The following AIFM2 variants were observed in gnomAD, a reference collection of about 807,000 sequenced individuals.
AIFM2 encodes the protein ferroptosis suppressor protein 1.
In AIFM2, 38 loss-of-function variants were observed where a neutral mutation model predicts 35.7. That is an observed-to-expected ratio of 1.06 (90% CI 0.82 to 1.39). The LOEUF is 1.39. Among genes scored for constraint, AIFM2 ranks in the 40% most tolerant of loss-of-function variants. AIFM2 has a pLI of 0.00. For synonymous variants in AIFM2, 185 were observed against 203.5 expected (o/e 0.91, Z 0.77); for missense variants, 476 against 491.2 (o/e 0.97, Z 0.29).
At position 70,120,526 on chromosome 10, in the gene AIFM2, G is replaced by C. The variant is rs769913973; in HGVS notation, c.488C>G (p.Thr163Arg). 2.0e-5 allele frequency: 33 copies of C among 1,614,052 alleles called. No individual in the cohort carries two copies. The highest frequency in any genetic ancestry group is 2.0e-5 in the Non-Finnish European group (24 of 1,180,040). ...AGVEMAAEIK[T>R]EYPEKEVTLI... ...GCTCACCTCTTTCTCAGGATATTCT[G>C]TTTTAATCTCTGCTGCCATCTCCAC... is the stretch of plus-strand genomic sequence containing the variant. The change falls in exon 5 of 9, where the codon ACA becomes AGA. Residue 163 changes from threonine to arginine, a missense_variant. Transcript: ENST00000307864.
chr10:70,130,194 T>C (rs939335828), intron 1 of AIFM2, among the ~76,000 whole-genome samples: 2 of 152,136 alleles, frequency 1.3e-5, no homozygotes, highest in Non-Finnish European at 2.9e-5. Flanking sequence ...AAAAAAAATT[T>C]TTTTTAATTT....
rs771338974 is a variant in AIFM2, at chr10:70,117,835, C to T, written c.593G>A (p.Arg198Gln). The T allele has an allele frequency of 1.1e-5, 18 of 1,604,880 alleles. No homozygotes were observed. The highest frequency in any genetic ancestry group is 4.6e-5 in the East Asian group (2 of 43,870). Reference sequence around the variant, plus strand: ...ACTCAGCAGCAGCTGCACGCCCTTCCGGAGGAGGATCTCCTTCACTTCCTG... The same window carrying T: ...ACTCAGCAGCAGCTGCACGCCCTTCTGGAGGAGGATCTCCTTCACTTCCTG... ...VRQEVKEILL[R>Q]KGVQLLLSER... is the part of the protein sequence containing the mutation. Residue 198 changes from arginine to glutamine, a missense_variant, in exon 6 of 9, where the codon CGG (arginine) becomes CAG (glutamine). Arg to Gln is a conservative substitution (Grantham distance 43). Transcript: ENST00000307864. This position sits in a 1 kb window ranked among gnomAD's most constrained non-coding sequence, Gnocchi z 4.7.
Position 70,114,904 on chromosome 10 carries a change from A to G in AIFM2, c.970+16T>C, listed in dbSNP as rs2072417974. On this transcript the variant is annotated intron_variant, in intron 8 of 8. Transcript: ENST00000307864. ...AAACTCTATTAAAACTGCAAAGCAC[A>G]TGGGGCCTCTCTTACCCGGCTTGTA... The G allele has an allele frequency of 6.2e-7, 1 of 1,613,242 alleles. No individual in the cohort carries two copies. Among genetic ancestry groups the G allele is most frequent in the South Asian group, 1.1e-5 (1 of 90,906 alleles).
Position 70,132,241 on chromosome 10 carries a change from C to G in AIFM2, c.-14+493G>C, listed in dbSNP as rs148402317. Among the ~76,000 whole-genome samples the G allele has an allele frequency of 3.9e-3, 596 of 152,334 alleles. 2 individuals carry two copies. Among genetic ancestry groups the G allele is most frequent in the African/African-American group, 0.014 (562 of 41,574 alleles). ...AAGCAGACTTCCTAGTGCTGCACCC[C>G]CCAGCTCCCCCGAGCCTATGGGCAC... On this transcript the variant is annotated intron_variant, in intron 1 of 8. Transcript: ENST00000307864.
chr10:70,117,813 C>T lies in AIFM2; in HGVS notation c.615G>A (p.Leu205=). 6.2e-7 allele frequency: 1 copy of T among 1,604,756 alleles called. No individual in the cohort carries two copies. Among genetic ancestry groups the T allele is most frequent in the Non-Finnish European group, 8.5e-7 (1 of 1,176,274 alleles). ...ILLRKGVQLL[L]SERVSNLEEL... is the part of the protein sequence containing the mutation. ...GGAGGGAGGTGAGGGTGCACGTACT[C>T]AGCAGCAGCTGCACGCCCTTCCGGA... Residue 205 remains leucine, a splice_region_variant and synonymous_variant, in exon 6 of 9, where the codon CTG becomes CTA. Coordinates refer to ENST00000307864, the MANE Select transcript of AIFM2 (RefSeq NM_032797.6). This position sits in a 1 kb window ranked among gnomAD's most constrained non-coding sequence, Gnocchi z 4.7.
intron 1 of AIFM2, among the ~76,000 whole-genome samples, chr10:70,130,434 C>T (rs559828668): frequency 2.4e-4 from 36 of 152,258 alleles, no homozygotes; most frequent in African/African-American, 7.9e-4. Flanking sequence ...TTGTTTGCGA[C>T]GTCTTCCACT....
chr10:70,117,256 T>G lies in AIFM2; in HGVS notation c.617-482A>C, dbSNP rs2072448748. Among the ~76,000 whole-genome samples, 1 of 152,118 alleles carries G rather than the reference T, an allele frequency of 6.6e-6. No homozygotes were observed. The highest frequency in any genetic ancestry group is 1.5e-5 in the Non-Finnish European group (1 of 68,014). ...GAGGCTGAGGCAGCCATGCGGGCCC[T>G]TCACAGGACAGGTGCCTCACCCTCC... On this transcript the variant is annotated intron_variant, in intron 6 of 8. Transcript: ENST00000307864. This position sits in a 1 kb window ranked among gnomAD's most constrained non-coding sequence, Gnocchi z 4.7.
At chr10:70,118,135 ACACCCAG>A in intron 5 of AIFM2, 1 of 497,074 alleles carries the variant, frequency 2.0e-6, no homozygotes, top group Non-Finnish European at 3.5e-6. Context: ...CCCTCCTGCC[ACACCCAG>A]GCCAGAGGAC....
At chr10:70,125,728 C>T (rs2072558917) in intron 1 of AIFM2, among the ~76,000 whole-genome samples, 1 of 152,136 alleles carries the variant, frequency 6.6e-6, no homozygotes, top group Non-Finnish European at 1.5e-5. Flanking sequence ...ACCTCAACCT[C>T]CCAAAGTGCT....
chr10:70,118,868 TC>T (rs1355192732), intron 5 of AIFM2, among the ~76,000 whole-genome samples: 2 of 152,154 alleles, frequency 1.3e-5, no homozygotes, highest in African/African-American at 4.8e-5. Context: ...CCTTGGATGT[TC>T]CCGGGTGATG....
chr10:70,121,667 G>C (rs1025589148), intron 3 of AIFM2, among the ~76,000 whole-genome samples: 1 of 149,564 alleles, frequency 6.7e-6, no homozygotes, highest in African/African-American at 2.5e-5. Flanking sequence ...TCTGTGAACA[G>C]CCACTGCACT....
At position 70,117,949 on chromosome 10, in the gene AIFM2, G is replaced by A. The variant is rs1472469612; in HGVS notation, c.508-29C>T. 7 of 1,533,626 alleles carry A rather than the reference G, an allele frequency of 4.6e-6. No individual in the cohort carries two copies. The highest frequency in any genetic ancestry group is 6.3e-6 in the Non-Finnish European group (7 of 1,112,092). ...AGGACAAAACGACCACAGGGCCTGA[G>A]AAGGAGCCCCCAAGTCTTCAAACAC... is the stretch of plus-strand genomic sequence containing the variant. On this transcript the variant is annotated intron_variant, in intron 5 of 8. Coordinates refer to ENST00000307864, the MANE Select transcript of AIFM2 (RefSeq NM_032797.6). This position sits in a 1 kb window ranked among gnomAD's most constrained non-coding sequence, Gnocchi z 4.7.
intron 1 of AIFM2, among the ~76,000 whole-genome samples, chr10:70,126,355 G>C (rs1159074660): frequency 6.6e-6 from 1 of 152,220 alleles, no homozygotes; most frequent in African/African-American, 2.4e-5. Context: ...GCTTCAGGAA[G>C]GGGGACTGGA....
intron 1 of AIFM2, among the ~76,000 whole-genome samples, chr10:70,127,691 C>T (rs977594115): frequency 1.3e-5 from 2 of 152,174 alleles, no homozygotes; most frequent in African/African-American, 4.8e-5. Context: ...AGCCCTTGAC[C>T]CCCAGGCCCC....
chr10:70,121,725 T>C (rs916870660), intron 3 of AIFM2, among the ~76,000 whole-genome samples: 2 of 150,960 alleles, frequency 1.3e-5, no homozygotes, highest in African/African-American at 4.8e-5. Flanking sequence ...AAATTAAAAA[T>C]AAATAATAAA....
chr10:70,116,600 G>T (rs2072438540), intron 7 of AIFM2, 22 bp downstream of exon 7: 1 of 1,612,402 alleles, frequency 6.2e-7, no homozygotes. Flanking sequence ...CACAGGGGAA[G>T]CCCGGCTGGG....
chr10:70,123,852 C>A, intron 2 of AIFM2, 55 bp downstream of exon 2: 1 of 1,479,760 alleles, frequency 6.8e-7, no homozygotes, highest in African/African-American at 1.4e-5. Flanking sequence ...AATCAAGCCC[C>A]AGAGCAGAGA....
chr10:70,122,284 G>C (rs2072518280), intron 3 of AIFM2, among the ~76,000 whole-genome samples: 1 of 152,232 alleles, frequency 6.6e-6, no homozygotes, highest in South Asian at 2.1e-4. Context: ...ATCTTCCAGG[G>C]CTCTGAAACG....
At position 70,121,216 on chromosome 10, in the gene AIFM2, GAGAAACCAAAAAA is replaced by G; in HGVS notation, c.295-18_295-6del. 2.9e-6 allele frequency: 1 copy of G among 340,114 alleles called. No homozygotes were observed. Among genetic ancestry groups the G allele is most frequent in the African/African-American group, 3.1e-5 (1 of 32,098 alleles). The allele number at this position is 340,114 out of a possible 1,614,324, so 21.1% of individuals were successfully genotyped here. A position where few individuals can be genotyped will look rare whatever the true frequency, so the allele number is the denominator to read the frequency against. On this transcript the variant is annotated splice_region_variant and splice_polypyrimidine_tract_variant and intron_variant, in intron 3 of 8. Transcript: ENST00000307864. Reference sequence around the variant, plus strand: ...AAGATGAGAGAAGGGCAGGGCCTGAGAGAAACCAAAAAAAAAAAAAAAAAAAAAAAAAAAAAGA... The same window carrying G: ...AAGATGAGAGAAGGGCAGGGCCTGAGAAAAAAAAAAAAAAAAAAAAAAAGA...
Sources: allele counts gnomAD v4.1 joint callset (sites outside exome capture counted in the v4.1 genomes callset), GRCh38; gene constraint gnomAD v4.1.1; non-coding constraint Gnocchi (gnomAD v3.1); transcripts MANE v1.5; gene names NCBI Gene and HGNC (gene_info 2026-07-23, HGNC 2026-07-21).